Variants in SLC45A2 observed in about 807,000 individuals in gnomAD.
SLC45A2 encodes solute carrier family 45 member 2, also known as membrane-associated transporter protein.
A neutral mutation model predicts 45.5 loss-of-function variants in SLC45A2; 36 were observed. The observed-to-expected ratio is 0.79, with a 90% CI of 0.61 to 1.04. SLC45A2 has a LOEUF of 1.04. Ranked by LOEUF, SLC45A2 falls within the 50% of genes least tolerant of loss-of-function variation. SLC45A2 has a pLI of 0.00. For synonymous variants in SLC45A2, 306 were observed against 269.3 expected, an observed-to-expected ratio of 1.14 and a Z score of -1.33; for missense variants, 719 against 671.0, an observed-to-expected ratio of 1.07 and a Z score of -0.79.
chr5:33,974,320 C>CCT (rs1752864339), intron 2 of SLC45A2, among the ~76,000 whole-genome samples: 1 of 152,086 alleles, frequency 6.6e-6, no homozygotes, highest in Non-Finnish European at 1.5e-5. Flanking sequence ...TCCCTAGGAG[C>CCT]CAGTACAGTC....
At chr5:33,969,185 T>C (rs922871376) in intron 2 of SLC45A2, among the ~76,000 whole-genome samples, 1 of 151,118 alleles carries the variant, frequency 6.6e-6, no homozygotes, top group Admixed American at 6.6e-5. Flanking sequence ...GATACATCAA[T>C]GAGCAAGACA....
intron 3 of SLC45A2, among the ~76,000 whole-genome samples, chr5:33,962,036 T>C (rs1158644326): frequency 6.6e-6 from 1 of 152,234 alleles, no homozygotes; most frequent in Non-Finnish European, 1.5e-5. Flanking sequence ...AAGAAGACTT[T>C]CCCTTCCTAT....
At chr5:33,972,306 A>C in intron 2 of SLC45A2, 2 of 414,296 alleles carry the variant, frequency 4.8e-6, no homozygotes, top group Middle Eastern at 5.1e-4. Context: ...CAACAGACCA[A>C]ATACACGGGA....
chr5:33,964,055 A>G, intron 2 of SLC45A2, 39 bp from the exon 3 acceptor site: 1 of 1,598,258 alleles, frequency 6.3e-7, no homozygotes, highest in Non-Finnish European at 8.5e-7. Context: ...TATTTAGCAA[A>G]TTATCGTTCA....
chr5:33,962,484 T>C (rs1307384487), intron 3 of SLC45A2, among the ~76,000 whole-genome samples: 1 of 152,148 alleles, frequency 6.6e-6, no homozygotes, highest in Non-Finnish European at 1.5e-5. Flanking sequence ...TCACTGAGCT[T>C]GTCTGAAAGT....
intron 2 of SLC45A2, among the ~76,000 whole-genome samples, chr5:33,973,810 T>C (rs1236157727): frequency 2.8e-5 from 4 of 140,884 alleles, no homozygotes; most frequent in African/African-American, 5.0e-5. Context: ...TTTCATCTCT[T>C]TGGGTTAGAT....
chr5:33,972,282 G>A lies in SLC45A2; in HGVS notation c.563-8266C>T, dbSNP rs530298147. On this transcript the variant is annotated intron_variant, in intron 2 of 6. Coordinates refer to ENST00000296589, the MANE Select transcript of SLC45A2 (RefSeq NM_016180.5). ...CAAATGGATGGATTTGATACTCTGC[G>A]CAGAGTTAAAATACAACAGACCAAA... 1.9e-4 allele frequency: 91 copies of A among 470,656 alleles called. 2 individuals are homozygous for A. Among genetic ancestry groups the A allele is most frequent in the South Asian group, 1.4e-3 (83 of 58,638 alleles). 29.2% of individuals were successfully genotyped at this position (470,656 alleles called of 1,614,324 possible). A position where few individuals can be genotyped will look rare whatever the true frequency, so the allele number is the denominator to read the frequency against.
intron 2 of SLC45A2, among the ~76,000 whole-genome samples, chr5:33,974,873 T>G (rs1752879283): frequency 6.6e-6 from 1 of 151,894 alleles, no homozygotes; most frequent in South Asian, 2.1e-4. Context: ...GGAGTAAACA[T>G]TAAAGGAGAG....
intron 5 of SLC45A2, among the ~76,000 whole-genome samples, chr5:33,948,613 G>A (rs1752007499): frequency 6.6e-6 from 1 of 152,188 alleles, no homozygotes; most frequent in African/African-American, 2.4e-5. Context: ...TGACAAGTAG[G>A]CAACATTGCT....
Position 33,944,682 on chromosome 5 carries a change from C to T in SLC45A2, c.1559G>A (p.Cys520Tyr). ...TASAVALIGC[C>Y]FVALFVRYVD ...ATATCTAACAAAGAGAGCGACAAAGCAACAGCCTATCAGTGCCACCGCAGA... is the reference window on the plus strand; with the variant it reads ...ATATCTAACAAAGAGAGCGACAAAGTAACAGCCTATCAGTGCCACCGCAGA... Residue 520 changes from cysteine to tyrosine, a missense_variant, in exon 7 of 7, where the codon TGC becomes TAC. By Grantham distance (194) the Cys-to-Tyr change is radical. Transcript: ENST00000296589. 6.2e-7 allele frequency: 1 copy of T among 1,614,224 alleles called. No individual in the cohort carries two copies. The highest frequency in any genetic ancestry group is 1.1e-5 in the South Asian group (1 of 91,082).
Position 33,963,679 on chromosome 5 carries a change from T to C in SLC45A2, c.888+12A>G, listed in dbSNP as rs776443917. ...TATTTTCCCTTGTAAAGAAAAAATG[T>C]TGCATCTTTACCTGTTCAGCATGAT... On this transcript the variant is annotated intron_variant, in intron 3 of 6. Transcript: ENST00000296589. The C allele has an allele frequency of 1.9e-6, 3 of 1,612,932 alleles. No individual in the cohort carries two copies. In the South Asian group the frequency reaches 3.3e-5, roughly 18 times the overall value.
At chr5:33,960,250 AT>A (rs993934849) in intron 3 of SLC45A2, among the ~76,000 whole-genome samples, 4 of 146,916 alleles carry the variant, frequency 2.7e-5, no homozygotes, top group African/African-American at 1.0e-4. Context: ...GTCAACATCT[AT>A]TTTTTTTATT....
chr5:33,963,969 G>A lies in SLC45A2; in HGVS notation c.610C>T (p.His204Tyr), dbSNP rs1365318380. 6.2e-7 allele frequency: 1 copy of A among 1,613,950 alleles called. No individual in the cohort carries two copies. The highest frequency in any genetic ancestry group is 8.5e-7 in the Non-Finnish European group (1 of 1,179,984). The change falls in exon 3 of 7, where the codon CAT (histidine) becomes TAT (tyrosine). Residue 204 changes from histidine to tyrosine, a missense_variant. Transcript: ENST00000296589. ...CCCAACAGTCTTCCCAGCTCCAGAT[G>A]GGCCCAGTCTATAGCACCCAAAAGG... is the stretch of plus-strand genomic sequence containing the variant. ...GYLLGAIDWA[H>Y]LELGRLLGTE...
intron 2 of SLC45A2, among the ~76,000 whole-genome samples, chr5:33,976,225 G>A (rs886279293): frequency 2.6e-5 from 4 of 152,132 alleles, no homozygotes; most frequent in Admixed American, 2.6e-4. Context: ...AGGGCTGAAG[G>A]AAATCAACCT....
intron 3 of SLC45A2, among the ~76,000 whole-genome samples, chr5:33,960,764 A>AT (rs887690681): frequency 1.6e-4 from 24 of 152,046 alleles, no homozygotes; most frequent in African/African-American, 2.9e-4. Context: ...ATGGAAATAC[A>AT]TTTTTTTTAA....
In SLC45A2 at chr5:33,947,028, T is replaced by C. The variant is rs921822401; in HGVS notation, c.1368+135A>G. On this transcript the variant is annotated intron_variant, in intron 6 of 6. Transcript: ENST00000296589. Reference sequence around the variant, plus strand: ...TGCCTGTACCAGATCATGGTTGCAGTTGGTTGGGCATTTGACTGTTGCTGT... The same window carrying C: ...TGCCTGTACCAGATCATGGTTGCAGCTGGTTGGGCATTTGACTGTTGCTGT... 129 of 1,601,012 alleles carry C rather than the reference T, an allele frequency of 8.1e-5. No homozygotes were observed. The African/African-American group carries it at 1.7e-3, about 21-fold the overall frequency.
chr5:33,973,854 G>GGTTAGA, intron 2 of SLC45A2, among the ~76,000 whole-genome samples: 1 of 48,146 alleles, frequency 2.1e-5, no homozygotes, highest in Non-Finnish European at 8.4e-5. Context: ...TGCTGTGCCT[G>GGTTAGA]TGACCCTTGC....
chr5:33,978,408 C>A (rs534559228), intron 2 of SLC45A2, among the ~76,000 whole-genome samples: 3 of 152,012 alleles, frequency 2.0e-5, no homozygotes, highest in Admixed American at 6.6e-5. Flanking sequence ...CTGTAGAGAA[C>A]CTCCTTCCCT....
At chr5:33,963,668 A>T in intron 3 of SLC45A2, 23 bp downstream of exon 3, 1 of 1,611,292 alleles carries the variant, frequency 6.2e-7, no homozygotes, top group South Asian at 1.1e-5. Context: ...TTCCCTTGTA[A>T]AGAAAAAATG....
Sources: allele counts gnomAD v4.1 joint callset (sites outside exome capture counted in the v4.1 genomes callset), GRCh38; gene constraint gnomAD v4.1.1; transcripts MANE v1.5; gene names NCBI Gene and HGNC (gene_info 2026-07-23, HGNC 2026-07-21).